STX3: variants seen among roughly 807,000 people sequenced by gnomAD.
STX3 encodes syntaxin-3.
STX3 carries 19 observed loss-of-function variants against 40.2 expected under a neutral mutation model. The ratio of observed to expected loss-of-function variants is 0.47; its 90% CI spans 0.33 to 0.69. The LOEUF (loss-of-function observed/expected upper bound fraction) is 0.69, where lower values mean the gene tolerates loss of function less well. STX3 is among the 30% of genes least tolerant of loss of function. STX3 has a pLI of 0.02. For missense variants in STX3, 364 were observed against 366.7 expected (o/e 0.99, Z 0.06); for synonymous variants, 122 against 132.2 (o/e 0.92, Z 0.53).
intron 1 of STX3, among the ~76,000 whole-genome samples, chr11:59,770,154 G>A (rs1194529842): frequency 1.3e-5 from 2 of 150,746 alleles, no homozygotes; most frequent in Non-Finnish European, 3.0e-5. Context: ...GTGTGTATAG[G>A]GTGTGCGTGT....
rs542233184 is a variant in STX3, at chr11:59,803,609, A to G, written c.*2785A>G. 2.5e-4 allele frequency among the ~76,000 whole-genome samples: 38 copies of G among 152,310 alleles called. No individual in the cohort carries two copies. The highest frequency in any genetic ancestry group is 9.1e-4 in the African/African-American group (38 of 41,564). Reference sequence around the variant, plus strand: ...TGAGCCTTGGTATCTGGAAGTGACAAAAAGAACAAGAATTAGTTCTTGCAT... The same window carrying G: ...TGAGCCTTGGTATCTGGAAGTGACAGAAAGAACAAGAATTAGTTCTTGCAT... On this transcript the variant is annotated 3_prime_UTR_variant, in exon 11 of 11. Transcript: ENST00000337979.
intron 1 of STX3, among the ~76,000 whole-genome samples, chr11:59,769,955 C>T (rs941447131): frequency 7.9e-5 from 11 of 139,116 alleles, no homozygotes; most frequent in Admixed American, 1.4e-4. Flanking sequence ...TTGTGGGTGT[C>T]GGTGTGTGGG....
intron 10 of STX3, among the ~76,000 whole-genome samples, chr11:59,797,672 C>A (rs1405876623): frequency 6.6e-6 from 1 of 152,222 alleles, no homozygotes; most frequent in African/African-American, 2.4e-5. Context: ...TACCTGAGCA[C>A]CCCAGGTGAC....
At chr11:59,754,923 C>G (rs1194949655), upstream of STX3, 1 of 152,338 alleles carries the variant, frequency 6.6e-6, no homozygotes, top group Non-Finnish European at 1.5e-5. Flanking sequence ...CTCCATCCCC[C>G]CACTTTCACT....
chr11:59,759,911 T>G (rs989909134), intron 1 of STX3, among the ~76,000 whole-genome samples: 7 of 152,230 alleles, frequency 4.6e-5, no homozygotes, highest in African/African-American at 1.7e-4. Context: ...ATGTGCCAGG[T>G]GCTTTGGATC....
Position 59,788,901 on chromosome 11 carries a change from G to A in STX3, c.243G>A (p.Thr81=), listed in dbSNP as rs144578073. 47 of 1,612,330 alleles carry A rather than the reference G, an allele frequency of 2.9e-5. No individual in the cohort carries two copies. The highest frequency in any genetic ancestry group is 1.6e-4 in the Middle Eastern group (1 of 6,082). ...PKTKDDLEQL[T]TEIKKRANNV... ...CCAAGGATGACCTAGAGCAGCTCACGACTGAGATTAAGAAAAGGGCCAACA... is the reference window on the plus strand; with the variant it reads ...CCAAGGATGACCTAGAGCAGCTCACAACTGAGATTAAGAAAAGGGCCAACA... The change falls in exon 4 of 11, where the codon ACG becomes ACA. Residue 81 remains threonine, a synonymous_variant. Transcript: ENST00000337979.
chr11:59,758,497 A>G lies in STX3; in HGVS notation c.30+2862A>G, dbSNP rs1862853253. On this transcript the variant is annotated intron_variant, in intron 1 of 10. Transcript: ENST00000337979. Reference sequence around the variant, plus strand: ...GGATAAAATGAGATAATCCGTGACAATCACCCACCACTGTTATTGTTAGTT... The same window carrying G: ...GGATAAAATGAGATAATCCGTGACAGTCACCCACCACTGTTATTGTTAGTT... Among the ~76,000 whole-genome samples, 3 of 152,164 alleles carry G rather than the reference A, an allele frequency of 2.0e-5. No homozygotes were observed. The South Asian group carries it at 6.2e-4, about 32-fold the overall frequency.
chr11:59,777,880 G>A (rs1325735925), intron 2 of STX3, among the ~76,000 whole-genome samples: 1 of 152,180 alleles, frequency 6.6e-6, no homozygotes, highest in Non-Finnish European at 1.5e-5. Flanking sequence ...TACAATTTCT[G>A]GGGCTTTTAT....
chr11:59,768,736 T>C (rs1051242255), intron 1 of STX3, among the ~76,000 whole-genome samples: 5 of 152,142 alleles, frequency 3.3e-5, no homozygotes, highest in Non-Finnish European at 7.4e-5. Flanking sequence ...CATCATGTAT[T>C]GGGAAACAGG....
chr11:59,792,051 T>C (rs1208724833), intron 5 of STX3, 56 bp from the exon 6 acceptor site: 1 of 1,387,924 alleles, frequency 7.2e-7, no homozygotes, highest in East Asian at 2.3e-5. Flanking sequence ...TGGGGAGGGG[T>C]TCTATAACAG....
At chr11:59,787,529 C>A (rs1448459747) in intron 3 of STX3, among the ~76,000 whole-genome samples, 1 of 152,116 alleles carries the variant, frequency 6.6e-6, no homozygotes, top group Non-Finnish European at 1.5e-5. Flanking sequence ...TCCATTTTTT[C>A]TTTCCATGAG....
At chr11:59,761,741 C>T (rs779311920) in intron 1 of STX3, among the ~76,000 whole-genome samples, 7 of 152,134 alleles carry the variant, frequency 4.6e-5, no homozygotes, top group Non-Finnish European at 1.0e-4. Flanking sequence ...AACCCCCCAC[C>T]TAAAGAGATT....
rs1864831673 is a variant in STX3, at chr11:59,787,119, C to T, written c.197C>T (p.Ala66Val). Residue 66 changes from alanine to valine, a missense_variant, in exon 3 of 11, where the codon GCA (alanine) becomes GTA (valine). Ala to Val is a moderately conservative substitution (Grantham distance 64, BLOSUM62 0). Coordinates refer to ENST00000337979, the MANE Select transcript of STX3 (RefSeq NM_004177.5). ...AKKLYSIILS[A>V]PIPEPKTKDD... ...AAACTCTACAGTATCATTCTCTCTG[C>T]ACCGATTCCAGAGCCAAGTGAGTGT... 2.5e-6 allele frequency: 4 copies of T among 1,613,992 alleles called. No homozygotes were observed. The African/African-American group carries it at 5.3e-5, about 22-fold the overall frequency.
intron 2 of STX3, among the ~76,000 whole-genome samples, chr11:59,786,640 CT>C (rs2134991671): frequency 6.6e-6 from 1 of 151,798 alleles, no homozygotes; most frequent in South Asian, 2.1e-4. Flanking sequence ...TCCTTCCTTC[CT>C]TTTTCCCCTC....
At chr11:59,782,628 C>G (rs528536571) in intron 2 of STX3, among the ~76,000 whole-genome samples, 1 of 152,252 alleles carries the variant, frequency 6.6e-6, no homozygotes, top group South Asian at 2.1e-4. Context: ...AAACTGGAAC[C>G]TGGTCTGTTT....
upstream of STX3, chr11:59,754,358 T>C (rs139986763): frequency 6.6e-6 from 1 of 152,386 alleles, no homozygotes; most frequent in East Asian, 1.9e-4. Context: ...CTGCTAGAAT[T>C]ACAAAGATAT....
At chr11:59,793,587 GGGAATACT>G in intron 8 of STX3, 73 bp downstream of exon 8, 1 of 1,533,212 alleles carries the variant, frequency 6.5e-7, no homozygotes, top group Non-Finnish European at 8.8e-7. Context: ...CAGGGAGAAA[GGGAATACT>G]GGAAGCCAGT....
upstream of STX3, chr11:59,754,932 C>T (rs1862629268): frequency 6.6e-6 from 1 of 152,366 alleles, no homozygotes; most frequent in East Asian, 1.9e-4. Flanking sequence ...CCCACTTTCA[C>T]TGCCAGCAGC....
intron 10 of STX3, chr11:59,800,551 C>A: frequency 2.0e-6 from 2 of 985,366 alleles, no homozygotes; most frequent in Non-Finnish European, 2.4e-6. Context: ...TGCTGTGGGA[C>A]CTGCAGAGCA....
Sources: allele counts gnomAD v4.1 joint callset (sites outside exome capture counted in the v4.1 genomes callset), GRCh38; gene constraint gnomAD v4.1.1; transcripts MANE v1.5; gene names NCBI Gene and HGNC (gene_info 2026-07-23, HGNC 2026-07-21).